Variants in LRPPRC observed in about 807,000 individuals in gnomAD.
LRPPRC encodes leucine rich pentatricopeptide repeat containing.
A neutral mutation model predicts 180.3 loss-of-function variants in LRPPRC; 120 were observed. The ratio of observed to expected loss-of-function variants is 0.67; its 90% confidence interval spans 0.57 to 0.77. The LOEUF (loss-of-function observed/expected upper bound fraction) is 0.77, where lower values mean the gene tolerates loss of function less well. Ranked by LOEUF, LRPPRC falls within the 30% of genes least tolerant of loss-of-function variation. The pLI is 0.00. For missense variants in LRPPRC, 2,012 were observed against 1,657.2 expected (o/e 1.21, Z -3.72); for synonymous variants, 723 against 600.0 (o/e 1.21, Z -3.00).
chr2:43,893,330 G>A (rs567812029), intron 36 of LRPPRC, among the ~76,000 whole-genome samples: 45 of 152,350 alleles, frequency 3.0e-4, no homozygotes, highest in African/African-American at 1.1e-3. Context: ...TTCAATTGCA[G>A]ATAAAATGCT....
chr2:43,978,364 A>C (rs1674150037), intron 3 of LRPPRC, among the ~76,000 whole-genome samples: 2 of 152,168 alleles, frequency 1.3e-5, no homozygotes, highest in Admixed American at 1.3e-4. Flanking sequence ...GAAAATAAAG[A>C]AGCCATGGAT....
intron 34 of LRPPRC, among the ~76,000 whole-genome samples, chr2:43,897,702 G>A (rs114996370): frequency 0.01 from 1,538 of 152,054 alleles, 34 homozygotes; most frequent in African/African-American, 0.035. Flanking sequence ...CTTCAGTGAG[G>A]TCACTGCAGA....
At chr2:43,890,073 T>G (rs1670431715) in intron 36 of LRPPRC, 197 bp from the exon 37 acceptor site, 1 of 609,508 alleles carries the variant, frequency 1.6e-6, no homozygotes, top group Non-Finnish European at 3.0e-6. Context: ...CATCACTCAC[T>G]TTGAAGGAGA....
chr2:43,913,710 C>A (rs1572909934), intron 29 of LRPPRC, among the ~76,000 whole-genome samples: 1 of 152,308 alleles, frequency 6.6e-6, no homozygotes, highest in Middle Eastern at 3.4e-3. Context: ...CATTTCAAGT[C>A]AGTCTTCCAT....
chr2:43,983,185 T>C (rs1276481608), intron 1 of LRPPRC, among the ~76,000 whole-genome samples: 1 of 152,206 alleles, frequency 6.6e-6, no homozygotes, highest in Non-Finnish European at 1.5e-5. Flanking sequence ...TAGTACATTA[T>C]GTGTTTACAA....
intron 14 of LRPPRC, among the ~76,000 whole-genome samples, chr2:43,954,911 G>A (rs1447703443): frequency 1.3e-5 from 2 of 152,108 alleles, no homozygotes; most frequent in African/African-American, 4.8e-5. Flanking sequence ...AGTATGTAAA[G>A]TATGATATAT....
chr2:43,903,564 G>A (rs1670961724), intron 31 of LRPPRC: 1 of 132,536 alleles, frequency 7.5e-6, no homozygotes, highest in South Asian at 3.0e-4. Context: ...GTGGTGATGT[G>A]CTCAGGGAGG....
intron 25 of LRPPRC, among the ~76,000 whole-genome samples, chr2:43,931,364 T>C (rs1442706491): frequency 6.6e-6 from 1 of 152,182 alleles, no homozygotes; most frequent in Admixed American, 6.5e-5. Flanking sequence ...AAGAATGGCA[T>C]AGAGAAGGAA....
intron 20 of LRPPRC, 74 bp downstream of exon 20, chr2:43,947,180 ATAT>A: frequency 4.4e-6 from 3 of 680,376 alleles, no homozygotes; most frequent in South Asian, 3.5e-5. Flanking sequence ...AAAATCATAA[ATAT>A]TATATTTGGT....
chr2:43,982,316 G>C lies in LRPPRC; in HGVS notation c.268C>G (p.Leu90Val), dbSNP rs750127996. The change falls in exon 2 of 38, where the codon CTA (leucine) becomes GTA (valine). Residue 90 changes from leucine to valine, a missense_variant. Physicochemically the swap from Leu to Val is conservative, Grantham distance 32 (BLOSUM62 1). Coordinates refer to ENST00000260665, the MANE Select transcript of LRPPRC (RefSeq NM_133259.4). ...SNQFDWALMR[L>V]DLSVRRTGRI... The stretch of plus-strand genomic sequence containing the variant: ...CCAGTTCTTCGAACAGAAAGATCTA[G>C]TCTCATTAGAGCCCAATCAAACTGA... 1.2e-6 allele frequency: 2 copies of C among 1,610,908 alleles called. No individual in the cohort carries two copies. The highest frequency in any genetic ancestry group is 1.1e-5 in the South Asian group (1 of 90,220).
intron 16 of LRPPRC, among the ~76,000 whole-genome samples, chr2:43,949,307 C>T (rs962597858): frequency 6.6e-6 from 1 of 152,114 alleles, no homozygotes; most frequent in Non-Finnish European, 1.5e-5. Flanking sequence ...ATTAAAAGCA[C>T]ATAAATACTA....
At chr2:43,950,522 G>C in intron 15 of LRPPRC, 51 bp downstream of exon 15, 1 of 1,475,338 alleles carries the variant, frequency 6.8e-7, no homozygotes, top group East Asian at 2.3e-5. Context: ...CTATGGTATT[G>C]GCTTGTAACG....
intron 29 of LRPPRC, among the ~76,000 whole-genome samples, chr2:43,915,852 C>A (rs1336438094): frequency 6.6e-6 from 1 of 152,158 alleles, no homozygotes; most frequent in Non-Finnish European, 1.5e-5. Flanking sequence ...AATGCAGCTT[C>A]AACCTCCGGC....
At chr2:43,893,392 G>C (rs1219451480) in intron 36 of LRPPRC, among the ~76,000 whole-genome samples, 1 of 152,198 alleles carries the variant, frequency 6.6e-6, no homozygotes, top group Non-Finnish European at 1.5e-5. Flanking sequence ...GGAAAAGTCA[G>C]CTGATGTGGC....
At chr2:43,906,786 C>T (rs189902269) in intron 30 of LRPPRC, among the ~76,000 whole-genome samples, 35 of 152,272 alleles carry the variant, frequency 2.3e-4, no homozygotes, top group Non-Finnish European at 4.9e-4. Flanking sequence ...AGAGACACTA[C>T]GACATGCCCA....
intron 12 of LRPPRC, among the ~76,000 whole-genome samples, chr2:43,962,005 T>G (rs1673367433): frequency 6.6e-6 from 1 of 152,164 alleles, no homozygotes; most frequent in Admixed American, 6.5e-5. Flanking sequence ...TGAGTTCTAT[T>G]AAGCACTTAA....
chr2:43,974,199 G>C lies in LRPPRC; in HGVS notation c.1106C>G (p.Pro369Arg). 2 of 1,611,876 alleles carry C rather than the reference G, an allele frequency of 1.2e-6. No individual in the cohort carries two copies. The highest frequency in any genetic ancestry group is 1.7e-6 in the Non-Finnish European group (2 of 1,177,956). The change falls in exon 9 of 38, where the codon CCA (proline) becomes CGA (arginine). Residue 369 changes from proline to arginine, a missense_variant. Physicochemically the swap from Pro to Arg is moderately radical, Grantham distance 103. Coordinates refer to ENST00000260665, the MANE Select transcript of LRPPRC (RefSeq NM_133259.4). ...LACPVSKEDG[P>R]SVFGSFFLQH... is the part of the protein sequence containing the mutation. ...TAAAAAGAAACTGCCAAAGACACTTGGGCCATCTTCCTTTGATACGGGGCA... is the reference window on the plus strand; with the variant it reads ...TAAAAAGAAACTGCCAAAGACACTTCGGCCATCTTCCTTTGATACGGGGCA...
At chr2:43,940,040 A>G (rs965035113) in intron 23 of LRPPRC, among the ~76,000 whole-genome samples, 2 of 152,218 alleles carry the variant, frequency 1.3e-5, no homozygotes, top group Non-Finnish European at 2.9e-5. Context: ...GAAGCCTGTC[A>G]TTTACCAATC....
At position 43,925,948 on chromosome 2, in the gene LRPPRC, C is replaced by CTT; in HGVS notation, c.2749_2750insAA (p.Arg917LysfsTer27). ...CCACTGAAGCCTTGCAGATCGAGCT[C>CTT]TAATCCCTGGAGTCTGTAAAATAAA... is the stretch of plus-strand genomic sequence containing the variant. On this transcript the variant is annotated frameshift_variant, in exon 26 of 38. Coordinates refer to ENST00000260665, the MANE Select transcript of LRPPRC (RefSeq NM_133259.4). LOFTEE classifies it high-confidence loss of function. 1 of 1,607,534 alleles carries CTT rather than the reference C, an allele frequency of 6.2e-7. No homozygotes were observed. The highest frequency in any genetic ancestry group is 8.5e-7 in the Non-Finnish European group (1 of 1,174,030).
Sources: gnomAD v4.1 joint callset for allele counts (sites outside exome capture counted in the v4.1 genomes callset) on GRCh38, gnomAD v4.1.1 for gene constraint, MANE v1.5 for transcripts, NCBI Gene and HGNC (gene_info 2026-07-23, HGNC 2026-07-21) for gene names.